GLT6D1: variants seen among roughly 807,000 people sequenced by gnomAD.
GLT6D1 encodes glycosyltransferase 6 domain containing 1, also known as putative glycosyltransferase 6 domain-containing protein 1.
In GLT6D1, 9 loss-of-function variants were observed where a neutral mutation model predicts 12.3. That is an observed-to-expected ratio of 0.73 (90% CI 0.44 to 1.27). The LOEUF is 1.27. GLT6D1 is among the 50% of genes most tolerant of loss of function. GLT6D1 has a pLI of 0.00. For synonymous variants in GLT6D1, 128 were observed against 132.3 expected (o/e 0.97, Z 0.23); for missense variants, 335 against 346.2 (o/e 0.97, Z 0.26).
In GLT6D1 at chr9:135,624,720, CTTTCTTT is replaced by C. The variant is rs1036073257; in HGVS notation, c.258-57_258-51del. On this transcript the variant is annotated intron_variant, in intron 4 of 4. Transcript: ENST00000371763. Reference sequence around the variant, plus strand: ...AACTTACTTTTCTCTTTTTTCTTTTCTTTCTTTTTTTTTTTTTTTTTTTTTTTGAGAT... The same window carrying C: ...AACTTACTTTTCTCTTTTTTCTTTTCTTTTTTTTTTTTTTTTTTTTGAGAT... 3 of 820,510 alleles carry C rather than the reference CTTTCTTT, an allele frequency of 3.7e-6. No homozygotes were observed. In the African/African-American group the frequency reaches 6.3e-5, roughly 17 times the overall value. The allele number at this position is 820,510 out of a possible 1,614,324, so 50.8% of individuals were successfully genotyped here.
At position 135,639,288 on chromosome 9, in the gene GLT6D1, C is replaced by G; in HGVS notation, c.-7+5G>C. 1.5e-6 allele frequency: 1 copy of G among 655,298 alleles called. No individual in the cohort carries two copies. The highest frequency in any genetic ancestry group is 2.6e-6 in the Non-Finnish European group (1 of 377,408). The allele number at this position is 655,298 out of a possible 1,614,324, so 40.6% of individuals were successfully genotyped here. ...TGGGTTAATGTATGGGCATTGGACA[C>G]CAACCTTAGAGGTTGCTTCTAGAAT... On this transcript the variant is annotated splice_donor_5th_base_variant and intron_variant, in intron 1 of 4. Coordinates refer to ENST00000371763, the MANE Select transcript of GLT6D1 (RefSeq NM_182974.3).
At chr9:135,632,849 G>T (rs1833680651) in intron 2 of GLT6D1, among the ~76,000 whole-genome samples, 3 of 152,058 alleles carry the variant, frequency 2.0e-5, no homozygotes, top group Admixed American at 6.5e-5. Context: ...TGTGTTTTTA[G>T]TAGAGATGTG....
chr9:135,633,598 G>A (rs748801577), intron 2 of GLT6D1, among the ~76,000 whole-genome samples: 5 of 152,032 alleles, frequency 3.3e-5, no homozygotes, highest in Non-Finnish European at 5.9e-5. Context: ...CAAAACACAG[G>A]ACATCTCTTC....
At chr9:135,632,588 C>A (rs1833674601) in intron 2 of GLT6D1, among the ~76,000 whole-genome samples, 1 of 151,790 alleles carries the variant, frequency 6.6e-6, no homozygotes, top group South Asian at 2.1e-4. Flanking sequence ...TGGGGCCCTG[C>A]AGAATGACCA....
At chr9:135,625,576 T>TA (rs1833491930) in intron 4 of GLT6D1, among the ~76,000 whole-genome samples, 1 of 152,212 alleles carries the variant, frequency 6.6e-6, no homozygotes, top group Admixed American at 6.5e-5. Flanking sequence ...TGTCTGTTCT[T>TA]ATCAGCCTGC....
At chr9:135,636,399 T>G (rs748306371) in intron 2 of GLT6D1, among the ~76,000 whole-genome samples, 7 of 152,140 alleles carry the variant, frequency 4.6e-5, no homozygotes, top group Non-Finnish European at 1.0e-4. Flanking sequence ...CTAAGTTATT[T>G]TAGGTCAGCA....
rs1048848343 is a variant in GLT6D1 at position 135,623,796 on chromosome 9, T to C, written c.*301A>G. 9 of 265,558 alleles carry C rather than the reference T, an allele frequency of 3.4e-5. No homozygotes were observed. The Admixed American group carries it at 4.4e-4, about 13-fold the overall frequency. 16.5% of individuals were successfully genotyped at this position (265,558 alleles called of 1,614,324 possible). On this transcript the variant is annotated 3_prime_UTR_variant, in exon 5 of 5. Coordinates refer to ENST00000371763, the MANE Select transcript of GLT6D1 (RefSeq NM_182974.3). ...TGTCTACAATACATAGATAATAACATTACTGTGTATTAACATTAAGTAATT... is the reference window on the plus strand; with the variant it reads ...TGTCTACAATACATAGATAATAACACTACTGTGTATTAACATTAAGTAATT...
At chr9:135,632,353 C>G (rs985049137) in intron 2 of GLT6D1, among the ~76,000 whole-genome samples, 1 of 151,940 alleles carries the variant, frequency 6.6e-6, no homozygotes, top group African/African-American at 2.4e-5. Context: ...GGATAGTAAC[C>G]CTGGGATATT....
intron 3 of GLT6D1, among the ~76,000 whole-genome samples, chr9:135,631,036 C>T (rs1189893495): frequency 6.6e-6 from 1 of 151,768 alleles, no homozygotes; most frequent in Non-Finnish European, 1.5e-5. Flanking sequence ...GCAATAGCCC[C>T]CAAACTGTAA....
chr9:135,639,144 GA>G lies in GLT6D1; in HGVS notation c.43del (p.Ser15HisfsTer2). The G allele has an allele frequency of 6.3e-7, 1 of 1,589,086 alleles. No individual in the cohort carries two copies. ...GAAATAACGCTCAACCAACATCAGT[GA>G]AAAAGCAAATAAAACCAATAACAGC... is the stretch of plus-strand genomic sequence containing the variant. ...RMLLLVLFAF[S>X]LMLVERYFRN... On this transcript the variant is annotated frameshift_variant, in exon 2 of 5. Transcript: ENST00000371763. LOFTEE classifies it high-confidence loss of function.
chr9:135,631,169 C>G (rs543981411), intron 3 of GLT6D1, among the ~76,000 whole-genome samples: 34 of 152,322 alleles, frequency 2.2e-4, no homozygotes, highest in African/African-American at 7.7e-4. Context: ...CATATTCAAG[C>G]TGGTTCCGAA....
At position 135,624,722 on chromosome 9, in the gene GLT6D1, TTC is replaced by T. The variant is rs369326923; in HGVS notation, c.258-54_258-53del. On this transcript the variant is annotated intron_variant, in intron 4 of 4. Transcript: ENST00000371763. ...CTTACTTTTCTCTTTTTTCTTTTCTTTCTTTTTTTTTTTTTTTTTTTTTTTGA... is the reference window on the plus strand; with the variant it reads ...CTTACTTTTCTCTTTTTTCTTTTCTTTTTTTTTTTTTTTTTTTTTTTTTGA... 3.3e-4 allele frequency: 318 copies of T among 973,948 alleles called. 2 individuals are homozygous for T. Among genetic ancestry groups the T allele is most frequent in the African/African-American group, 1.7e-3 (88 of 50,376 alleles). The allele number at this position is 973,948 out of a possible 1,614,324, so 60.3% of individuals were successfully genotyped here.
intron 2 of GLT6D1, among the ~76,000 whole-genome samples, chr9:135,634,505 A>T (rs1424280785): frequency 2.0e-5 from 1 of 49,320 alleles, no homozygotes. Context: ...TTTTTGTTTC[A>T]ATCAACTTTA....
chr9:135,632,921 G>C (rs920643939), intron 2 of GLT6D1, among the ~76,000 whole-genome samples: 1 of 152,150 alleles, frequency 6.6e-6, no homozygotes, highest in African/African-American at 2.4e-5. Context: ...ACCTGCCTCA[G>C]CCTCCCAGAG....
upstream of GLT6D1, among the ~76,000 whole-genome samples, chr9:135,640,249 G>A (rs147849627): frequency 3.1e-4 from 47 of 152,274 alleles, no homozygotes; most frequent in Non-Finnish European, 5.1e-4. Context: ...AACACAGTGC[G>A]AAAGAAAATA....
At chr9:135,637,566 T>C (rs1332229095) in intron 2 of GLT6D1, among the ~76,000 whole-genome samples, 1 of 152,026 alleles carries the variant, frequency 6.6e-6, no homozygotes, top group Non-Finnish European at 1.5e-5. Context: ...TTTCAGATTT[T>C]AGATTTTTGG....
rs766201899 is a variant in GLT6D1, at chr9:135,631,434, G to C, written c.116C>G (p.Pro39Arg). The change falls in exon 3 of 5, where the codon CCT becomes CGT. Residue 39 changes from proline (P) to arginine (R), a missense_variant. Coordinates refer to ENST00000371763, the MANE Select transcript of GLT6D1 (RefSeq NM_182974.3). ...EELRLSDWFHPRKRPDVITKT... is the reference protein window; with the variant it reads ...EELRLSDWFHRRKRPDVITKT... ...AAACAGGCATTTTTGTTCTTACCTA[G>C]GATGAAACCAGTCTGAGAGCCGAAG... 4 of 1,609,564 alleles carry C rather than the reference G, an allele frequency of 2.5e-6. No individual in the cohort carries two copies. The highest frequency in any genetic ancestry group is 2.2e-5 in the East Asian group (1 of 44,854).
upstream of GLT6D1, among the ~76,000 whole-genome samples, chr9:135,640,415 C>T (rs116222247): frequency 1.9e-3 from 296 of 152,122 alleles, no homozygotes; most frequent in African/African-American, 6.7e-3. Context: ...ACTAGGAAAC[C>T]GGACATTGAT....
chr9:135,640,635 G>A (rs1437120136), upstream of GLT6D1, among the ~76,000 whole-genome samples: 1 of 151,756 alleles, frequency 6.6e-6, no homozygotes, highest in African/African-American at 2.4e-5. Flanking sequence ...CAGCAGAATC[G>A]CTTGAACCCA....
Sources: allele counts gnomAD v4.1 joint callset (sites outside exome capture counted in the v4.1 genomes callset), GRCh38; gene constraint gnomAD v4.1.1; transcripts MANE v1.5; gene names NCBI Gene and HGNC (gene_info 2026-07-23, HGNC 2026-07-21).